EPHB1: variants seen among roughly 807,000 people sequenced by gnomAD.
EPHB1 encodes the protein EPH receptor B1, also known as ephrin type-B receptor 1.
EPHB1 carries 30 observed loss-of-function variants against 94.4 expected under a neutral mutation model. The ratio of observed to expected loss-of-function variants is 0.32; its 90% CI spans 0.24 to 0.43. The LOEUF is 0.43. Among genes scored for constraint, EPHB1 ranks in the 20% least tolerant of loss-of-function variants. The probability of loss-of-function intolerance (pLI) is 1.00; values close to 1 mark genes in which losing one functional copy is unlikely to be tolerated. For missense variants in EPHB1, 1,055 were observed against 1,308.3 expected (o/e 0.81, Z 2.99); for synonymous variants, 522 against 489.1 (o/e 1.07, Z -0.89).
At chr3:135,095,585 A>G (rs929938668) in intron 3 of EPHB1, among the ~76,000 whole-genome samples, 3 of 152,216 alleles carry the variant, frequency 2.0e-5, no homozygotes, top group Middle Eastern at 3.4e-3. Context: ...GCTTCCGTGG[A>G]CTTCAGGGTA....
intron 3 of EPHB1, among the ~76,000 whole-genome samples, chr3:134,953,173 G>T (rs555462738): frequency 5.3e-5 from 8 of 152,172 alleles, no homozygotes; most frequent in Non-Finnish European, 1.0e-4. Flanking sequence ...CTGAGCACCA[G>T]ACCAGCCTAT....
In EPHB1 at chr3:135,204,881, C is replaced by CTTT. The variant is rs71624063; in HGVS notation, c.2346+3216_2346+3218dup. On this transcript the variant is annotated intron_variant, in intron 12 of 15. Transcript: ENST00000398015. ...TTGCTATCAAATACTAGGTTTTATT[C>CTTT]TTTTTTTTTTTTTTTTTTTTTTTTT... Among the ~76,000 whole-genome samples, 37 of 73,910 alleles carry CTTT rather than the reference C, an allele frequency of 5.0e-4. 1 individual carries two copies. Among genetic ancestry groups the CTTT allele is most frequent in the African/African-American group, 2.0e-3 (34 of 17,078 alleles). The allele number at this position is 73,910 out of a possible 152,430, so 48.5% of individuals were successfully genotyped here. A position where few individuals can be genotyped will look rare whatever the true frequency, so the allele number is the denominator to read the frequency against.
At chr3:134,804,901 G>GTGGA (rs1251001078) in intron 1 of EPHB1, among the ~76,000 whole-genome samples, 1 of 152,216 alleles carries the variant, frequency 6.6e-6, no homozygotes, top group Admixed American at 6.5e-5. Flanking sequence ...AGCCGTGGCA[G>GTGGA]TGGAAAGGGC....
At chr3:134,939,598 A>G (rs2039077185) in intron 2 of EPHB1, among the ~76,000 whole-genome samples, 1 of 152,194 alleles carries the variant, frequency 6.6e-6, no homozygotes, top group South Asian at 2.1e-4. Context: ...AGCTTGTCTA[A>G]TATCCAAGCT....
At chr3:135,052,167 A>G (rs1937187453) in intron 3 of EPHB1, among the ~76,000 whole-genome samples, 1 of 152,232 alleles carries the variant, frequency 6.6e-6, no homozygotes, top group Admixed American at 6.5e-5. Flanking sequence ...AGCCTTGGTC[A>G]GAGCAGATAT....
intron 3 of EPHB1, among the ~76,000 whole-genome samples, chr3:135,006,844 G>C (rs1463345337): frequency 6.6e-6 from 1 of 151,592 alleles, no homozygotes; most frequent in East Asian, 1.9e-4. Context: ...AAAATATTGT[G>C]CTAGATAATG....
chr3:134,959,025 G>A (rs778761443), intron 3 of EPHB1, among the ~76,000 whole-genome samples: 1 of 152,212 alleles, frequency 6.6e-6, no homozygotes, highest in Non-Finnish European at 1.5e-5. Flanking sequence ...ATTTGGCAGC[G>A]TCCCATGCAT....
At chr3:134,985,949 G>A (rs1259266441) in intron 3 of EPHB1, among the ~76,000 whole-genome samples, 3 of 152,054 alleles carry the variant, frequency 2.0e-5, no homozygotes, top group African/African-American at 7.3e-5. Flanking sequence ...GGAAAACCCT[G>A]GTCAGGAGTC....
intron 3 of EPHB1, among the ~76,000 whole-genome samples, chr3:134,962,849 C>T (rs1272431350): frequency 6.6e-6 from 1 of 152,094 alleles, no homozygotes; most frequent in East Asian, 1.9e-4. Flanking sequence ...CACCCCTTCC[C>T]CAGCAGCCCC....
intron 12 of EPHB1, 83 bp from the exon 13 acceptor site, chr3:135,241,065 G>T (rs1312755033): frequency 1.3e-6 from 2 of 1,529,432 alleles, no homozygotes; most frequent in East Asian, 4.5e-5. Context: ...GAGTTTGGAA[G>T]AATGTGCATG....
intron 5 of EPHB1, among the ~76,000 whole-genome samples, 160 bp downstream of exon 5, chr3:135,133,209 C>A (rs1525014): frequency 1 from 152,194 of 152,340 alleles, 76,024 homozygotes; most frequent in Non-Finnish European, 1. Context: ...TCACATAGAG[C>A]AGGCAGGTGT....
At position 135,097,111 on chromosome 3, in the gene EPHB1, A is replaced by G. The variant is rs868240778; in HGVS notation, c.806-9337A>G. ...ACTCTGTCTACAAAAAAAAAAAAAAAAAAAGAAAAAAAATTACATTCGGAA... is the reference window on the plus strand; with the variant it reads ...ACTCTGTCTACAAAAAAAAAAAAAAGAAAAGAAAAAAAATTACATTCGGAA... On this transcript the variant is annotated intron_variant, in intron 3 of 15. Transcript: ENST00000398015. Among the ~76,000 whole-genome samples the G allele has an allele frequency of 9.1e-3, 1,363 of 149,084 alleles. 24 individuals carry two copies. The highest frequency in any genetic ancestry group is 0.032 in the African/African-American group (1,298 of 40,580).
intron 1 of EPHB1, among the ~76,000 whole-genome samples, chr3:134,869,770 G>T (rs1043971130): frequency 1.3e-5 from 2 of 152,018 alleles, no homozygotes; most frequent in African/African-American, 2.4e-5. Flanking sequence ...ACTTGCATTT[G>T]TTGTGTCTTT....
intron 3 of EPHB1, among the ~76,000 whole-genome samples, chr3:135,049,388 T>C (rs1213465873): frequency 6.6e-6 from 1 of 152,232 alleles, no homozygotes; most frequent in Non-Finnish European, 1.5e-5. Flanking sequence ...TGGCTGAGGC[T>C]GGGGTCGTCA....
intron 15 of EPHB1, among the ~76,000 whole-genome samples, chr3:135,257,311 A>G (rs1285250720): frequency 2.0e-5 from 3 of 151,656 alleles, no homozygotes; most frequent in African/African-American, 7.3e-5. Flanking sequence ...TAAAGTTTCC[A>G]CCTTTTCTGT....
At chr3:135,249,077 G>T (rs1932945624) in intron 14 of EPHB1, among the ~76,000 whole-genome samples, 1 of 152,206 alleles carries the variant, frequency 6.6e-6, no homozygotes, top group South Asian at 2.1e-4. Flanking sequence ...GTTCCCTTCA[G>T]ACTGAACGCT....
intron 5 of EPHB1, among the ~76,000 whole-genome samples, chr3:135,145,304 T>C (rs1297946477): frequency 6.6e-6 from 1 of 152,176 alleles, no homozygotes; most frequent in Non-Finnish European, 1.5e-5. Context: ...ATACAAACTT[T>C]GGTTTTTTGA....
intron 2 of EPHB1, among the ~76,000 whole-genome samples, chr3:134,930,838 C>A (rs905703126): frequency 6.6e-6 from 1 of 152,164 alleles, no homozygotes; most frequent in African/African-American, 2.4e-5. Flanking sequence ...TTTTTTTAAG[C>A]CTGTGGGGCT....
At chr3:134,890,478 C>G (rs916486942) in intron 1 of EPHB1, among the ~76,000 whole-genome samples, 1 of 152,214 alleles carries the variant, frequency 6.6e-6, no homozygotes, top group Non-Finnish European at 1.5e-5. Context: ...CACACTAACA[C>G]TCTTGCATGT....
Sources: gnomAD v4.1 joint callset for allele counts (sites outside exome capture counted in the v4.1 genomes callset) on GRCh38, gnomAD v4.1.1 for gene constraint, MANE v1.5 for transcripts, NCBI Gene and HGNC (gene_info 2026-07-23, HGNC 2026-07-21) for gene names.